The following SYT8 variants were observed in gnomAD, a reference collection of about 807,000 sequenced individuals.
SYT8 encodes the protein synaptotagmin 8.
In SYT8, 50 loss-of-function variants were observed where a neutral mutation model predicts 34.9. The observed-to-expected ratio is 1.43, with a 90% CI of 1.14 to 1.81. The LOEUF (loss-of-function observed/expected upper bound fraction) is 1.81. Ranked by LOEUF, SYT8 falls within the 40% of genes most tolerant of loss-of-function variation. The pLI is 0.00. For synonymous variants in SYT8, 255 were observed against 234.2 expected (o/e 1.09, Z -0.81); for missense variants, 595 against 529.0 (o/e 1.12, Z -1.22).
rs374297759 is a variant in SYT8 at position 1,837,456 on chromosome 11, C to G, written c.*25C>G. 1.2e-6 allele frequency: 2 copies of G among 1,600,842 alleles called. No homozygotes were observed. The highest frequency in any genetic ancestry group is 1.7e-6 in the Non-Finnish European group (2 of 1,177,632). On this transcript the variant is annotated 3_prime_UTR_variant, in exon 8 of 8. Coordinates refer to ENST00000341958, the MANE Select transcript of SYT8 (RefSeq NM_001394072.1). ...AATGCACCACATGCCTCTGTCTCCC[C>G]GCTGAGCCCAGGCACTTGCCCAGGC... is the stretch of plus-strand genomic sequence containing the variant.
rs370411354 is a variant in SYT8 at position 1,835,879 on chromosome 11, A to C, written c.259-7A>C. 3 of 1,611,072 alleles carry C rather than the reference A, an allele frequency of 1.9e-6. No individual in the cohort carries two copies. Among genetic ancestry groups the C allele is most frequent in the South Asian group, 2.2e-5 (2 of 90,940 alleles). ...CACCACCTGCCCCTTGTCCCAACTC[A>C]CTCCAGGTGCAACCTGATGTGGATG... On this transcript the variant is annotated splice_region_variant and splice_polypyrimidine_tract_variant and intron_variant, in intron 2 of 7. Coordinates refer to ENST00000341958, the MANE Select transcript of SYT8 (RefSeq NM_001394072.1).
chr11:1,833,496 C>CTCCGCA (rs1554967698), upstream of SYT8, among the ~76,000 whole-genome samples: 1 of 152,252 alleles, frequency 6.6e-6, no homozygotes, highest in Non-Finnish European at 1.5e-5. Flanking sequence ...TGGCCCTGAC[C>CTCCGCA]TCCGCATCTC....
chr11:1,834,983 C>T (rs1846817832), upstream of SYT8: 1 of 1,014,628 alleles, frequency 9.9e-7, no homozygotes, highest in South Asian at 1.4e-5. This position sits in a 1 kb window ranked among gnomAD's most constrained non-coding sequence, Gnocchi z 4.5. Flanking sequence ...TGCCTCCTTG[C>T]CCTGGCAGAC....
At position 1,836,942 on chromosome 11, in the gene SYT8, A is replaced by G. The variant is rs762386784; in HGVS notation, c.791-15A>G. 1.2e-6 allele frequency: 2 copies of G among 1,613,174 alleles called. No homozygotes were observed. The highest frequency in any genetic ancestry group is 2.7e-5 in the African/African-American group (2 of 74,930). On this transcript the variant is annotated splice_polypyrimidine_tract_variant and intron_variant, in intron 6 of 7. Transcript: ENST00000341958. ...CGAGCCCTGGGATGCCCCTTCGGCA[A>G]CCTTGCCCTCCCAGAGCCCTACGTG...
Position 1,835,222 on chromosome 11 carries a change from G to C in SYT8, c.94+23G>C, listed in dbSNP as rs369796588. ...CCTGTGAGTTGTGGGATTCCCAAGA[G>C]GGGTGTGGGGATAACCCAGCCAAGT... On this transcript the variant is annotated intron_variant, in intron 1 of 7. Transcript: ENST00000341958. The C allele has an allele frequency of 1.4e-5, 23 of 1,611,710 alleles. 1 individual carries two copies. The highest frequency in any genetic ancestry group is 5.0e-5 in the Admixed American group (3 of 59,906).
At chr11:1,835,848 T>C (rs754957533) in intron 2 of SYT8, 38 bp from the exon 3 acceptor site, 57 of 1,551,706 alleles carry the variant, frequency 3.7e-5, no homozygotes, top group Admixed American at 2.0e-4. Flanking sequence ...TGAGGCATGA[T>C]GTCAGCACCA....
rs753489518 is a variant in SYT8, at chr11:1,835,194, C to A, written c.89C>A (p.Thr30Asn). The part of the protein sequence containing the change: ...PGLIPDLVAG[T>N]PWPRWALIAG... Reference sequence around the variant, plus strand: ...CTTATTCCAGACCTTGTCGCCGGGACCCCCTGTGAGTTGTGGGATTCCCAA... The same window carrying A: ...CTTATTCCAGACCTTGTCGCCGGGAACCCCTGTGAGTTGTGGGATTCCCAA... The change falls in exon 1 of 8, where the codon ACC becomes AAC. Residue 30 changes from threonine to asparagine, a missense_variant. By Grantham distance (65) the Thr-to-Asn change is moderately conservative. Transcript: ENST00000341958. The A allele has an allele frequency of 1.1e-5, 18 of 1,613,044 alleles. No individual in the cohort carries two copies. The highest frequency in any genetic ancestry group is 2.2e-5 in the East Asian group (1 of 44,888).
chr11:1,834,910 T>C (rs1846815054), upstream of SYT8: 2 of 638,344 alleles, frequency 3.1e-6, no homozygotes, highest in Non-Finnish European at 5.4e-6. The surrounding 1 kb of genome is among the most constrained non-coding windows in gnomAD (Gnocchi z 4.5). Flanking sequence ...TTGGCCAGGG[T>C]CCAGAGCCTC....
At position 1,835,294 on chromosome 11, in the gene SYT8, A is replaced by T. The variant is rs113555021; in HGVS notation, c.95-2A>T. 6.3e-7 allele frequency: 1 copy of T among 1,599,336 alleles called. No individual in the cohort carries two copies. The highest frequency in any genetic ancestry group is 1.3e-5 in the African/African-American group (1 of 74,674). On this transcript the variant is annotated splice_acceptor_variant, in intron 1 of 7. Coordinates refer to ENST00000341958, the MANE Select transcript of SYT8 (RefSeq NM_001394072.1). LOFTEE classifies it high-confidence loss of function. Reference sequence around the variant, plus strand: ...ATGCACTCAGCCTGGCCTCTACCCCAGGGCCCCGCTGGGCTCTCATTGCCG... The same window carrying T: ...ATGCACTCAGCCTGGCCTCTACCCCTGGGCCCCGCTGGGCTCTCATTGCCG...
At chr11:1,836,041 G>A (rs781421483) in intron 3 of SYT8, 57 bp downstream of exon 3, 70 of 1,585,586 alleles carry the variant, frequency 4.4e-5, no homozygotes, top group South Asian at 3.7e-4. Flanking sequence ...AAAGGGTGAC[G>A]GGGGAAGGGC....
upstream of SYT8, chr11:1,834,710 A>T: frequency 8.5e-7 from 1 of 1,181,524 alleles, no homozygotes; most frequent in Non-Finnish European, 1.2e-6. This position sits in a 1 kb window ranked among gnomAD's most constrained non-coding sequence, Gnocchi z 4.5. Flanking sequence ...CCCAGGGTCC[A>T]GGGCCCAGGA....
In SYT8 at chr11:1,837,100, C is replaced by A. The variant is rs201823358; in HGVS notation, c.924+10C>A. The A allele has an allele frequency of 1.2e-6, 2 of 1,612,880 alleles. No homozygotes were observed. The highest frequency in any genetic ancestry group is 8.5e-7 in the Non-Finnish European group (1 of 1,179,606). On this transcript the variant is annotated intron_variant, in intron 7 of 7. Coordinates refer to ENST00000341958, the MANE Select transcript of SYT8 (RefSeq NM_001394072.1). ...CTTCAGCCAGGTCCAGGTGGGCCAC[C>A]GGGAGGCAGGGGCAGAGCGAGACCC...
rs769472785 is a variant in SYT8, at chr11:1,837,103, G to C, written c.924+13G>C. 1.2e-6 allele frequency: 2 copies of C among 1,613,138 alleles called. No homozygotes were observed. The highest frequency in any genetic ancestry group is 3.3e-5 in the Admixed American group (2 of 59,960). Reference sequence around the variant, plus strand: ...CAGCCAGGTCCAGGTGGGCCACCGGGAGGCAGGGGCAGAGCGAGACCCAGT... The same window carrying C: ...CAGCCAGGTCCAGGTGGGCCACCGGCAGGCAGGGGCAGAGCGAGACCCAGT... On this transcript the variant is annotated intron_variant, in intron 7 of 7. Coordinates refer to ENST00000341958, the MANE Select transcript of SYT8 (RefSeq NM_001394072.1).
chr11:1,835,506 C>A, intron 2 of SYT8, 47 bp downstream of exon 2: 1 of 1,599,390 alleles, frequency 6.3e-7, no homozygotes, highest in African/African-American at 1.3e-5. Context: ...GGCTTGAAAT[C>A]CAGGCTCCAG....
chr11:1,833,254 G>A (rs1433166628), upstream of SYT8, among the ~76,000 whole-genome samples: 1 of 152,150 alleles, frequency 6.6e-6, no homozygotes, highest in African/African-American at 2.4e-5. Context: ...GAGCTGAGGG[G>A]CTGCCGAGGC....
In SYT8 at chr11:1,835,385, C is replaced by T. The variant is rs143638495; in HGVS notation, c.184C>T (p.Arg62Cys). The T allele has an allele frequency of 4.0e-3, 6,360 of 1,608,706 alleles. 25 individuals carry two copies. Among genetic ancestry groups the T allele is most frequent in the Non-Finnish European group, 4.9e-3 (5,749 of 1,179,326 alleles). The change falls in exon 2 of 8, where the codon CGC (arginine) becomes TGC (cysteine). Residue 62 changes from arginine (R) to cysteine (C), a missense_variant. By Grantham distance (180) the Arg-to-Cys change is radical. Transcript: ENST00000341958. ...LLCAACCCCR[R>C]HRKKPRDKES... ...CTGTGCTGCCTGCTGCTGCTGCCGC[C>T]GCCACAGGAAGAAGCCCAGGGACAA... is the stretch of plus-strand genomic sequence containing the variant.
rs1846934898 is a variant in SYT8 at position 1,836,426 on chromosome 11, TC to T, written c.521del (p.Pro174ArgfsTer75). 3 of 1,554,178 alleles carry T rather than the reference TC, an allele frequency of 1.9e-6. No individual in the cohort carries two copies. Among genetic ancestry groups the T allele is most frequent in the Non-Finnish European group, 2.6e-6 (3 of 1,151,044 alleles). ...GCCTGGCTCACGCCGCTGCCTCAGA[TC>T]CCGCAGGCGGAGCTGCCAGGGGCCA... ...PVFDETCCFHIPQAELPGATL... is the reference protein window; with the variant it reads ...PVFDETCCFHXPQAELPGATL... On this transcript the variant is annotated frameshift_variant and splice_region_variant, in exon 5 of 8. Coordinates refer to ENST00000341958, the MANE Select transcript of SYT8 (RefSeq NM_001394072.1). LOFTEE classifies it high-confidence loss of function.
chr11:1,836,093 G>A (rs1846904171), intron 3 of SYT8, 33 bp from the exon 4 acceptor site: 1 of 1,530,210 alleles, frequency 6.5e-7, no homozygotes, highest in South Asian at 1.3e-5. Flanking sequence ...CAGGGCAGGG[G>A]CCCTTGGCTG....
chr11:1,833,495 C>G (rs1234816056), upstream of SYT8, among the ~76,000 whole-genome samples: 1 of 152,260 alleles, frequency 6.6e-6, no homozygotes, highest in African/African-American at 2.4e-5. Context: ...CTGGCCCTGA[C>G]CTCCGCATCT....
Sources: allele counts gnomAD v4.1 joint callset (sites outside exome capture counted in the v4.1 genomes callset), GRCh38; gene constraint gnomAD v4.1.1; non-coding constraint Gnocchi (gnomAD v3.1); transcripts MANE v1.5; gene names NCBI Gene and HGNC (gene_info 2026-07-23, HGNC 2026-07-21).